The following PTPRG variants were observed in gnomAD, a reference collection of about 807,000 sequenced individuals.
The protein encoded by PTPRG is protein tyrosine phosphatase receptor type G.
In PTPRG, 102 loss-of-function variants were observed where a neutral mutation model predicts 165.3. That is an observed-to-expected ratio of 0.62 (90% CI 0.53 to 0.73). The LOEUF is 0.73. Ranked by LOEUF, PTPRG falls within the 30% of genes least tolerant of loss-of-function variation. The probability of loss-of-function intolerance (pLI) is 0.00; values close to 1 mark genes in which losing one functional copy is unlikely to be tolerated. For missense variants in PTPRG, 1,866 were observed against 1,861.4 expected (o/e 1.00, Z -0.05); for synonymous variants, 675 against 669.5 (o/e 1.01, Z -0.13).
chr3:61,581,960 TG>T (rs1414113892), intron 1 of PTPRG, among the ~76,000 whole-genome samples: 1 of 151,884 alleles, frequency 6.6e-6, no homozygotes, highest in Non-Finnish European at 1.5e-5. Context: ...TATTTTGTTT[TG>T]TTTTATTTTT....
Position 61,702,703 on chromosome 3 carries a change from A to G in PTPRG, c.86-46175A>G, listed in dbSNP as rs73099135. ...CCCAACCCCCCACCAGGTAACCACT[A>G]TTGTATTTCCACTCACCATACAGAT... On this transcript the variant is annotated intron_variant, in intron 1 of 29. Coordinates refer to ENST00000474889, the MANE Select transcript of PTPRG (RefSeq NM_002841.4). Among the ~76,000 whole-genome samples the G allele has an allele frequency of 6.3e-3, 963 of 152,286 alleles. 5 individuals carry two copies. The highest frequency in any genetic ancestry group is 0.011 in the Admixed American group (171 of 15,302).
At chr3:62,169,521 A>G (rs925078055) in intron 8 of PTPRG, among the ~76,000 whole-genome samples, 1 of 152,058 alleles carries the variant, frequency 6.6e-6, no homozygotes, top group Admixed American at 6.6e-5. Context: ...CTCCCAGGAA[A>G]CTAGAACTTC....
At chr3:61,949,165 TAAAAAAACAACTC>T (rs2039836831) in intron 2 of PTPRG, among the ~76,000 whole-genome samples, 2 of 151,764 alleles carry the variant, frequency 1.3e-5, no homozygotes, top group Non-Finnish European at 2.9e-5. Context: ...CCTGATGGCT[TAAAAAAACAACTC>T]AAAAAAACCA....
intron 1 of PTPRG, among the ~76,000 whole-genome samples, chr3:61,717,297 C>G (rs1025178686): frequency 6.6e-6 from 1 of 152,130 alleles, no homozygotes; most frequent in African/African-American, 2.4e-5. Context: ...TGACCCTAAC[C>G]CTTTGAGGTA....
At chr3:61,751,629 A>G (rs1330976598) in intron 2 of PTPRG, among the ~76,000 whole-genome samples, 4 of 152,200 alleles carry the variant, frequency 2.6e-5, no homozygotes, top group Non-Finnish European at 4.4e-5. Context: ...TGACATGGGA[A>G]TGATTAATAT....
chr3:62,143,717 T>G (rs1384592286), intron 6 of PTPRG, among the ~76,000 whole-genome samples: 2 of 152,212 alleles, frequency 1.3e-5, no homozygotes, highest in Non-Finnish European at 2.9e-5. Flanking sequence ...ATTTTTCACT[T>G]GAAGTTGGAC....
At chr3:61,690,892 A>G (rs1553650482) in intron 1 of PTPRG, among the ~76,000 whole-genome samples, 1 of 152,170 alleles carries the variant, frequency 6.6e-6, no homozygotes, top group Non-Finnish European at 1.5e-5. Context: ...CTTCCTTGAA[A>G]GGTACATTAC....
intron 1 of PTPRG, among the ~76,000 whole-genome samples, chr3:61,675,544 CT>C (rs1394278974): frequency 6.6e-6 from 1 of 152,282 alleles, no homozygotes; most frequent in South Asian, 2.1e-4. Context: ...GGTAAACAGT[CT>C]TTTTTCCCCC....
In PTPRG at chr3:61,619,335, C is replaced by T. The variant is rs369771330; in HGVS notation, c.85+56963C>T. Among the ~76,000 whole-genome samples, 6 of 152,026 alleles carry T rather than the reference C, an allele frequency of 3.9e-5. No homozygotes were observed. In the South Asian group the frequency reaches 6.2e-4, roughly 16 times the overall value. On this transcript the variant is annotated intron_variant, in intron 1 of 29. Coordinates refer to ENST00000474889, the MANE Select transcript of PTPRG (RefSeq NM_002841.4). ...GCCTATTGATGAGTATGTACACCCA[C>T]GAGACCAGTGGTTTGTAACTGAGGG... is the stretch of plus-strand genomic sequence containing the variant.
Position 62,210,231 on chromosome 3 carries a change from CAG to C in PTPRG, c.2155+6284_2155+6285del, listed in dbSNP as rs1241566007. ...CTAATCCTGCCCACACGAGTTAACACAGAGCCAGTGTCCTGTTGCAAGAGAAC... is the reference window on the plus strand; with the variant it reads ...CTAATCCTGCCCACACGAGTTAACACAGCCAGTGTCCTGTTGCAAGAGAAC... On this transcript the variant is annotated intron_variant, in intron 12 of 29. Coordinates refer to ENST00000474889, the MANE Select transcript of PTPRG (RefSeq NM_002841.4). The surrounding 1 kb of genome is among the most constrained non-coding windows in gnomAD (Gnocchi z 4.1). Among the ~76,000 whole-genome samples the C allele has an allele frequency of 6.6e-6, 1 of 152,194 alleles. No homozygotes were observed. The highest frequency in any genetic ancestry group is 1.5e-5 in the Non-Finnish European group (1 of 68,038).
At chr3:61,746,158 T>C (rs1204584651) in intron 1 of PTPRG, among the ~76,000 whole-genome samples, 2 of 145,924 alleles carry the variant, frequency 1.4e-5, no homozygotes, top group African/African-American at 2.5e-5. Context: ...TCGTCCCACC[T>C]CAGCCAGCCA....
chr3:61,686,018 A>G (rs1463549363), intron 1 of PTPRG, among the ~76,000 whole-genome samples: 1 of 152,080 alleles, frequency 6.6e-6, no homozygotes, highest in Admixed American at 6.5e-5. Flanking sequence ...AACATTTGCA[A>G]AGCATCTGCC....
chr3:62,118,515 G>A (rs1212645794), intron 5 of PTPRG: 1 of 152,186 alleles, frequency 6.6e-6, no homozygotes, highest in Non-Finnish European at 1.5e-5. Flanking sequence ...AGTGTTAGGA[G>A]CAAATTCTGA....
chr3:62,292,498 A>G lies in PTPRG; in HGVS notation c.4133A>G (p.Asp1378Gly). ...CAACTGGAGAATGAAAATGCTGTGGATGTTTTCCAGGTTGCAAAAATGATC... is the reference window on the plus strand; with the variant it reads ...CAACTGGAGAATGAAAATGCTGTGGGTGTTTTCCAGGTTGCAAAAATGATC... ...SQQLENENAV[D>G]VFQVAKMINL... Residue 1378 changes from aspartate (D) to glycine (G), a missense_variant, in exon 29 of 30, where the codon GAT becomes GGT. Physicochemically the swap from Asp to Gly is moderately conservative, Grantham distance 94. Transcript: ENST00000474889. 6.2e-7 allele frequency: 1 copy of G among 1,613,606 alleles called. No individual in the cohort carries two copies. The highest frequency in any genetic ancestry group is 8.5e-7 in the Non-Finnish European group (1 of 1,179,752).
At chr3:61,653,228 G>T (rs1349277964) in intron 1 of PTPRG, among the ~76,000 whole-genome samples, 1 of 151,912 alleles carries the variant, frequency 6.6e-6, no homozygotes, top group East Asian at 1.9e-4. Flanking sequence ...TACATATAGG[G>T]TTAGTCAAGA....
At chr3:61,710,767 T>G (rs1271040457) in intron 1 of PTPRG, among the ~76,000 whole-genome samples, 1 of 152,134 alleles carries the variant, frequency 6.6e-6, no homozygotes, top group Non-Finnish European at 1.5e-5. Flanking sequence ...TTCTCTTTAC[T>G]TTCTTTTTAT....
At chr3:61,627,350 A>T (rs996935174) in intron 1 of PTPRG, among the ~76,000 whole-genome samples, 1 of 152,104 alleles carries the variant, frequency 6.6e-6, no homozygotes, top group Non-Finnish European at 1.5e-5. Context: ...CTGATACGAT[A>T]ATTGTTGAGG....
At position 61,971,701 on chromosome 3, in the gene PTPRG, G is replaced by A. The variant is rs145437593; in HGVS notation, c.191-17924G>A. On this transcript the variant is annotated intron_variant, in intron 2 of 29. Transcript: ENST00000474889. ...AAAATCCCTCTTCGGATCATTTGGT[G>A]TGATGGAAGTGTTCTGAAACTAGAT... Among the ~76,000 whole-genome samples, 579 of 152,340 alleles carry A rather than the reference G, an allele frequency of 3.8e-3. 4 individuals carry two copies. Among genetic ancestry groups the A allele is most frequent in the African/African-American group, 0.014 (562 of 41,574 alleles).
At chr3:61,601,662 T>C (rs1700872294) in intron 1 of PTPRG, among the ~76,000 whole-genome samples, 1 of 152,222 alleles carries the variant, frequency 6.6e-6, no homozygotes, top group African/African-American at 2.4e-5. Context: ...TACCTTATTT[T>C]AGGTATTTGG....
Sources: gnomAD v4.1 joint callset for allele counts (sites outside exome capture counted in the v4.1 genomes callset) on GRCh38, gnomAD v4.1.1 for gene constraint, Gnocchi (gnomAD v3.1) non-coding constraint, MANE v1.5 for transcripts, NCBI Gene and HGNC (gene_info 2026-07-23, HGNC 2026-07-21) for gene names.